The following MRPS31 variants were observed in gnomAD, a reference collection of about 807,000 sequenced individuals.
The protein encoded by MRPS31 is mitochondrial ribosomal protein S31.
Under a neutral mutation model 43.1 loss-of-function variants are expected in MRPS31, and 32 were observed. The observed-to-expected ratio is 0.74, with a 90% CI of 0.56 to 1.00. The LOEUF (loss-of-function observed/expected upper bound fraction) is 1.00. MRPS31 is among the 50% of genes least tolerant of loss of function. The pLI, the probability that MRPS31 is intolerant of heterozygous loss-of-function variation, is 0.00. For missense variants in MRPS31, 437 were observed against 466.7 expected (o/e 0.94, Z 0.59); for synonymous variants, 165 against 161.6 (o/e 1.02, Z -0.16).
intron 1 of MRPS31, among the ~76,000 whole-genome samples, chr13:40,769,724 G>C (rs943675752): frequency 2.6e-5 from 4 of 151,972 alleles, no homozygotes; most frequent in African/African-American, 9.7e-5. Context: ...TGGTAATCAG[G>C]GGAATGAATC....
rs1879605181 is a variant in MRPS31 at position 40,729,490 on chromosome 13, C to T, written c.1070G>A (p.Gly357Asp). Residue 357 changes from glycine (G) to aspartate (D), a missense_variant, in exon 7 of 7, where the codon GGC becomes GAC. Physicochemically the swap from Gly to Asp is moderately conservative, Grantham distance 94. Coordinates refer to ENST00000323563, the MANE Select transcript of MRPS31 (RefSeq NM_005830.4). ...IRHFMELVTC[G>D]LSKNPYLSVK... ...ACTAAGATATGGGTTTTTGGAAAGG[C>T]CACAAGTCACCAGCTCCATGAAGTG... 1 of 1,613,720 alleles carries T rather than the reference C, an allele frequency of 6.2e-7. No homozygotes were observed. Among genetic ancestry groups the T allele is most frequent in the African/African-American group, 1.3e-5 (1 of 74,876 alleles).
intron 2 of MRPS31, among the ~76,000 whole-genome samples, chr13:40,759,388 AGAT>A (rs1043499664): frequency 7.2e-5 from 11 of 152,152 alleles, no homozygotes; most frequent in African/African-American, 2.7e-4. Context: ...CAGTGAACCA[AGAT>A]CACGCCACTG....
Position 40,754,162 on chromosome 13 carries a change from A to G in MRPS31, c.741-70T>C, listed in dbSNP as rs1880467356. 13 of 853,614 alleles carry G rather than the reference A, an allele frequency of 1.5e-5. No homozygotes were observed. The South Asian group carries it at 2.2e-4, about 14-fold the overall frequency. The allele number at this position is 853,614 out of a possible 1,614,324, so 52.9% of individuals were successfully genotyped here. ...AACTGTCAACAAAAACTATGAGAAA[A>G]TATCTTAAGTGAAATATTCTATGTA... On this transcript the variant is annotated intron_variant, in intron 4 of 6. Transcript: ENST00000323563.
At chr13:40,758,806 T>C in intron 3 of MRPS31, 142 bp downstream of exon 3, 1 of 772,244 alleles carries the variant, frequency 1.3e-6, no homozygotes, top group Non-Finnish European at 1.8e-6. Flanking sequence ...TTTTAAAAAG[T>C]TGAATTGCTA....
intron 6 of MRPS31, among the ~76,000 whole-genome samples, chr13:40,745,594 A>G (rs1880220087): frequency 6.6e-6 from 1 of 152,156 alleles, no homozygotes; most frequent in East Asian, 1.9e-4. Flanking sequence ...CTTTTATCAC[A>G]GATAGATGTT....
chr13:40,739,998 A>G (rs1593443571), intron 6 of MRPS31, among the ~76,000 whole-genome samples: 1 of 149,228 alleles, frequency 6.7e-6, no homozygotes, highest in African/African-American at 2.5e-5. Context: ...CAGAGTGAAC[A>G]GGCAACCTAC....
intron 5 of MRPS31, among the ~76,000 whole-genome samples, chr13:40,752,071 T>C (rs1880405365): frequency 1.3e-5 from 2 of 152,026 alleles, no homozygotes; most frequent in African/African-American, 4.8e-5. Context: ...TCACTTAGGC[T>C]GGAGTGTAAT....
intron 6 of MRPS31, among the ~76,000 whole-genome samples, chr13:40,732,559 C>T (rs1879728974): frequency 1.3e-5 from 2 of 152,088 alleles, no homozygotes; most frequent in Admixed American, 6.6e-5. Flanking sequence ...CAAAGTGAGA[C>T]CCCATCTCTA....
intron 6 of MRPS31, among the ~76,000 whole-genome samples, chr13:40,748,521 G>T (rs1424548344): frequency 9.9e-5 from 15 of 152,176 alleles, no homozygotes; most frequent in Admixed American, 3.9e-4. Context: ...GACAACATGG[G>T]TATCATAAAA....
intron 6 of MRPS31, among the ~76,000 whole-genome samples, chr13:40,745,413 C>A (rs1483759450): frequency 1.3e-5 from 2 of 151,776 alleles, no homozygotes; most frequent in Non-Finnish European, 2.9e-5. Context: ...CCACCAAGCC[C>A]GGCTAATTTT....
chr13:40,758,269 G>C (rs1257620940), intron 3 of MRPS31, among the ~76,000 whole-genome samples: 20 of 152,022 alleles, frequency 1.3e-4, no homozygotes. Context: ...TTTCTGCCCA[G>C]GCTGGTCTCA....
intron 6 of MRPS31, among the ~76,000 whole-genome samples, chr13:40,730,231 G>A (rs1194955663): frequency 2.0e-5 from 3 of 152,002 alleles, no homozygotes; most frequent in Non-Finnish European, 4.4e-5. Context: ...TGTTAAAAAT[G>A]TGGTGGCAAG....
intron 2 of MRPS31, among the ~76,000 whole-genome samples, chr13:40,759,598 T>A (rs1457310893): frequency 6.6e-6 from 1 of 152,196 alleles, no homozygotes; most frequent in Non-Finnish European, 1.5e-5. Context: ...AATTCTCAAC[T>A]ATTAGGTACC....
chr13:40,733,994 C>T (rs112904243), intron 6 of MRPS31, among the ~76,000 whole-genome samples: 6,307 of 146,526 alleles, frequency 0.043, 290 homozygotes, highest in East Asian at 0.13. Context: ...CCAGGTGCAG[C>T]GGCTCATGTC....
rs571037130 is a variant in MRPS31, at chr13:40,754,635, T to C, written c.741-543A>G. ...ATTGAAATTAATATCAGAGAGTTAA[T>C]AGGTAACATTTTCTTACACACTTGA... On this transcript the variant is annotated intron_variant, in intron 4 of 6. Transcript: ENST00000323563. Among the ~76,000 whole-genome samples the C allele has an allele frequency of 2.0e-5, 3 of 152,380 alleles. No homozygotes were observed. The East Asian group carries it at 5.8e-4, about 29-fold the overall frequency.
intron 2 of MRPS31, among the ~76,000 whole-genome samples, chr13:40,765,531 T>C (rs920412951): frequency 6.6e-6 from 1 of 152,174 alleles, no homozygotes; most frequent in African/African-American, 2.4e-5. Context: ...GTATTATTTA[T>C]TTCCATATAC....
intron 2 of MRPS31, among the ~76,000 whole-genome samples, chr13:40,760,004 A>C (rs1400251926): frequency 2.0e-5 from 3 of 152,050 alleles, no homozygotes; most frequent in Non-Finnish European, 2.9e-5. Context: ...GCATGGCAGC[A>C]CATGCTTGTA....
At chr13:40,746,330 T>C (rs912545255) in intron 6 of MRPS31, among the ~76,000 whole-genome samples, 2 of 152,208 alleles carry the variant, frequency 1.3e-5, no homozygotes, top group African/African-American at 4.8e-5. Flanking sequence ...TTTCTCAAAG[T>C]ACAAGTTTCT....
intron 6 of MRPS31, among the ~76,000 whole-genome samples, chr13:40,740,494 T>C (rs904284254): frequency 3.6e-5 from 5 of 138,906 alleles, no homozygotes; most frequent in Non-Finnish European, 7.5e-5. Flanking sequence ...CACGTATGTT[T>C]ATTGCGGCAT....
Sources: allele counts gnomAD v4.1 joint callset (sites outside exome capture counted in the v4.1 genomes callset), GRCh38; gene constraint gnomAD v4.1.1; transcripts MANE v1.5; gene names NCBI Gene and HGNC (gene_info 2026-07-23, HGNC 2026-07-21).